MYEF2: variants seen among roughly 807,000 people sequenced by gnomAD.
MYEF2 encodes myelin gene expression factor 2.
A neutral mutation model predicts 75.2 loss-of-function variants in MYEF2; 37 were observed. The ratio of observed to expected loss-of-function variants is 0.49; its 90% CI spans 0.38 to 0.65. The LOEUF is 0.65. MYEF2 is among the 30% of genes least tolerant of loss of function. MYEF2 has a pLI of 0.00. For missense variants in MYEF2, 634 were observed against 771.4 expected (o/e 0.82, Z 2.11); for synonymous variants, 195 against 241.6 (o/e 0.81, Z 1.79).
chr15:48,166,250 TTCATCTTTTATACC>T (rs2040129161), intron 3 of MYEF2, 122 bp from the exon 4 acceptor site: 1 of 761,286 alleles, frequency 1.3e-6, no homozygotes, highest in African/African-American at 1.8e-5. Flanking sequence ...GTAGAATCAC[TTCATCTTTTATACC>T]TCCAGAACAT....
Position 48,140,516 on chromosome 15 carries a change from C to T in MYEF2, c.*2392G>A, listed in dbSNP as rs540185210. On this transcript the variant is annotated 3_prime_UTR_variant, in exon 17 of 17. Coordinates refer to ENST00000324324, the MANE Select transcript of MYEF2 (RefSeq NM_016132.5). ...ACATTTCTGAAAAATGTTGACCTGA[C>T]ATCAAATTTAACAGAAGTATTAATA... 16 of 152,198 alleles carry T rather than the reference C, an allele frequency of 1.1e-4. No homozygotes were observed. Among genetic ancestry groups the T allele is most frequent in the African/African-American group, 3.9e-4 (16 of 41,544 alleles). 9.4% of individuals were successfully genotyped at this position (152,198 alleles called of 1,614,324 possible). A position where few individuals can be genotyped will look rare whatever the true frequency, so the allele number is the denominator to read the frequency against.
chr15:48,158,927 A>G lies in MYEF2; in HGVS notation c.718-5T>C, dbSNP rs1436739159. 1.9e-6 allele frequency: 3 copies of G among 1,612,432 alleles called. No homozygotes were observed. Among genetic ancestry groups the G allele is most frequent in the Non-Finnish European group, 2.5e-6 (3 of 1,179,116 alleles). ...CCAACCAACTTTGAAGTCAAGCTTA[A>G]TATAAAATTGTATAAAGTTACATAC... On this transcript the variant is annotated splice_region_variant and splice_polypyrimidine_tract_variant and intron_variant, in intron 6 of 16. Coordinates refer to ENST00000324324, the MANE Select transcript of MYEF2 (RefSeq NM_016132.5).
At position 48,140,903 on chromosome 15, in the gene MYEF2, C is replaced by A; in HGVS notation, c.*2005G>T. ...AGCTGTTACGTATCTTTAGATATGT[C>A]ATTAAAAATCTGTGCTACCTGGGTT... On this transcript the variant is annotated 3_prime_UTR_variant, in exon 17 of 17. Transcript: ENST00000324324. 2.3e-6 allele frequency: 1 copy of A among 442,228 alleles called. No homozygotes were observed. Among genetic ancestry groups the A allele is most frequent in the Non-Finnish European group, 4.1e-6 (1 of 241,158 alleles). The allele number at this position is 442,228 out of a possible 1,614,324, so 27.4% of individuals were successfully genotyped here. A position where few individuals can be genotyped will look rare whatever the true frequency, so the allele number is the denominator to read the frequency against.
intron 16 of MYEF2, among the ~76,000 whole-genome samples, chr15:48,148,716 AATG>A (rs1362540767): frequency 6.6e-6 from 1 of 152,062 alleles, no homozygotes; most frequent in Non-Finnish European, 1.5e-5. Context: ...TAATGCAAAG[AATG>A]ATAATATATT....
chr15:48,141,020 T>C lies in MYEF2; in HGVS notation c.*1888A>G. 2 of 1,009,296 alleles carry C rather than the reference T, an allele frequency of 2.0e-6. No individual in the cohort carries two copies. Among genetic ancestry groups the C allele is most frequent in the Non-Finnish European group, 3.0e-6 (2 of 665,202 alleles). The allele number at this position is 1,009,296 out of a possible 1,614,324, so 62.5% of individuals were successfully genotyped here. Reference sequence around the variant, plus strand: ...CTCTGAATTCTAAATGTGCCTATTTTATTTTTGTTCACGAAGGAAATATCC... The same window carrying C: ...CTCTGAATTCTAAATGTGCCTATTTCATTTTTGTTCACGAAGGAAATATCC... On this transcript the variant is annotated 3_prime_UTR_variant, in exon 17 of 17. Transcript: ENST00000324324.
intron 1 of MYEF2, among the ~76,000 whole-genome samples, chr15:48,177,688 G>C (rs2040591728): frequency 1.3e-5 from 2 of 152,142 alleles, no homozygotes; most frequent in Admixed American, 1.3e-4. Flanking sequence ...GTCATCCCTA[G>C]ATACTCCCTA....
At chr15:48,152,078 CCTTT>C in intron 11 of MYEF2, 136 bp from the exon 12 acceptor site, 1 of 1,134,078 alleles carries the variant, frequency 8.8e-7, no homozygotes, top group Non-Finnish European at 1.3e-6. Context: ...ACATCACCTT[CCTTT>C]AAGTATGTAC....
Position 48,168,710 on chromosome 15 carries a change from T to C in MYEF2, c.291A>G (p.Pro97=), listed in dbSNP as rs1760745458. ...TGCTAATGAAAACTCTGTTACGATTTGGACCCTTCTTTTCTCCAGCGCCCG... is the reference window on the plus strand; with the variant it reads ...TGCTAATGAAAACTCTGTTACGATTCGGACCCTTCTTTTCTCCAGCGCCCG... ...KNSGAGEKKG[P]NRNRVFISNI... Residue 97 remains proline, a synonymous_variant, in exon 2 of 17, where the codon CCA becomes CCG. Transcript: ENST00000324324. 1 of 1,614,026 alleles carries C rather than the reference T, an allele frequency of 6.2e-7. No homozygotes were observed. Among genetic ancestry groups the C allele is most frequent in the East Asian group, 2.2e-5 (1 of 44,846 alleles).
At chr15:48,173,565 G>A (rs1366478534) in intron 1 of MYEF2, among the ~76,000 whole-genome samples, 1 of 152,116 alleles carries the variant, frequency 6.6e-6, no homozygotes, top group Non-Finnish European at 1.5e-5. Context: ...AACTCTGTTT[G>A]CAGAAGATGT....
In MYEF2 at chr15:48,142,632, G is replaced by GTTTC; in HGVS notation, c.*275_*276insGAAA. ...AACTAGAACAAACAAATCCAACTAT[G>GTTTC]TAGTACTGAAAACAACAAGAAAATG... is the stretch of plus-strand genomic sequence containing the variant. On this transcript the variant is annotated 3_prime_UTR_variant, in exon 17 of 17. Transcript: ENST00000324324. 1 of 451,634 alleles carries GTTTC rather than the reference G, an allele frequency of 2.2e-6. No individual in the cohort carries two copies. Among genetic ancestry groups the GTTTC allele is most frequent in the South Asian group, 4.3e-5 (1 of 22,998 alleles). 28.0% of individuals were successfully genotyped at this position (451,634 alleles called of 1,614,324 possible). A position where few individuals can be genotyped will look rare whatever the true frequency, so the allele number is the denominator to read the frequency against.
intron 9 of MYEF2, among the ~76,000 whole-genome samples, chr15:48,156,856 T>C (rs1009471778): frequency 5.3e-5 from 8 of 152,172 alleles, no homozygotes; most frequent in African/African-American, 1.9e-4. Flanking sequence ...CAATTCCCTA[T>C]GTTTATGGAT....
intron 1 of MYEF2, among the ~76,000 whole-genome samples, chr15:48,170,538 G>A (rs1020228335): frequency 6.6e-6 from 1 of 152,146 alleles, no homozygotes; most frequent in Non-Finnish European, 1.5e-5. Flanking sequence ...CACTGTGGAT[G>A]ACACCCAGGA....
chr15:48,154,133 T>G (rs1034977168), intron 9 of MYEF2: 1 of 331,448 alleles, frequency 3.0e-6, no homozygotes, highest in Non-Finnish European at 5.5e-6. Flanking sequence ...AAAGTACACC[T>G]TATACCCCAC....
chr15:48,163,519 G>GT (rs1385721446), intron 5 of MYEF2, among the ~76,000 whole-genome samples: 2 of 152,182 alleles, frequency 1.3e-5, no homozygotes, highest in Non-Finnish European at 2.9e-5. Context: ...GCTACAGAAA[G>GT]TTATCCAGAA....
intron 12 of MYEF2, 28 bp downstream of exon 12, chr15:48,151,846 A>T (rs780763410): frequency 6.9e-6 from 11 of 1,602,274 alleles, no homozygotes; most frequent in Non-Finnish European, 4.3e-6. Context: ...AAATATGCAC[A>T]CACTTCCCAC....
chr15:48,174,286 T>C lies in MYEF2; in HGVS notation c.161+3791A>G, dbSNP rs536445924. Among the ~76,000 whole-genome samples, 81 of 151,856 alleles carry C rather than the reference T, an allele frequency of 5.3e-4. 2 individuals are homozygous for C. The South Asian group carries it at 0.014, about 26-fold the overall frequency. On this transcript the variant is annotated intron_variant, in intron 1 of 16. Coordinates refer to ENST00000324324, the MANE Select transcript of MYEF2 (RefSeq NM_016132.5). ...GTATTGGGAAAACTAGATATCCACA[T>C]ACAAAACAAAATGAAAATGGATTAA...
At chr15:48,154,039 G>C in intron 9 of MYEF2, 146 bp from the exon 10 acceptor site, 1 of 581,188 alleles carries the variant, frequency 1.7e-6, no homozygotes, top group Admixed American at 3.2e-5. Flanking sequence ...TCTTGTTTTT[G>C]TCTAGAAAGT....
At chr15:48,176,219 T>TAAAAA (rs1023560411) in intron 1 of MYEF2, among the ~76,000 whole-genome samples, 4 of 63,098 alleles carry the variant, frequency 6.3e-5, no homozygotes, top group Admixed American at 3.4e-4. Flanking sequence ...GTTCACGAAG[T>TAAAAA]AAAAAAAAAA....
At chr15:48,154,233 G>T (rs894894236) in intron 9 of MYEF2, among the ~76,000 whole-genome samples, 5 of 152,036 alleles carry the variant, frequency 3.3e-5, no homozygotes, top group African/African-American at 1.2e-4. Context: ...ATCTGAAAAT[G>T]AGTATCTTGC....
Sources: allele counts gnomAD v4.1 joint callset (sites outside exome capture counted in the v4.1 genomes callset), GRCh38; gene constraint gnomAD v4.1.1; transcripts MANE v1.5; gene names NCBI Gene and HGNC (gene_info 2026-07-23, HGNC 2026-07-21).